Variants in RBFOX1 observed in about 807,000 individuals in gnomAD.
RBFOX1 encodes the protein RNA binding fox-1 homolog 1, also known as RNA binding protein fox-1 homolog 1.
In RBFOX1, 8 loss-of-function variants were observed where a neutral mutation model predicts 57.7. The ratio of observed to expected loss-of-function variants is 0.14; its 90% confidence interval spans 0.08 to 0.25. The LOEUF (loss-of-function observed/expected upper bound fraction) is 0.25, where lower values mean the gene tolerates loss of function less well. Among genes scored for constraint, RBFOX1 ranks in the 10% least tolerant of loss-of-function variants. RBFOX1 has a pLI of 1.00. For missense variants in RBFOX1, 611 were observed against 548.5 expected, an observed-to-expected ratio of 1.11 and a Z score of -1.14; for synonymous variants, 326 against 222.4, an observed-to-expected ratio of 1.47 and a Z score of -4.15.
At chr16:5,664,562 T>G (rs1292039285) in intron 3 of RBFOX1, among the ~76,000 whole-genome samples, 3 of 151,786 alleles carry the variant, frequency 2.0e-5, no homozygotes, top group Admixed American at 2.0e-4. Flanking sequence ...AAAAAGTGGA[T>G]TCCTGTTCCT....
intron 2 of RBFOX1, among the ~76,000 whole-genome samples, chr16:6,597,448 C>T (rs201799296): frequency 3.8e-3 from 571 of 152,048 alleles, no homozygotes; most frequent in Middle Eastern, 0.024. Flanking sequence ...CCGAGGTGGG[C>T]GGATCACAAG....
intron 3 of RBFOX1, among the ~76,000 whole-genome samples, chr16:6,767,961 A>ATAAT (rs1567166012): frequency 3.2e-5 from 4 of 123,554 alleles, no homozygotes; most frequent in African/African-American, 9.6e-5. Flanking sequence ...AAGAAGAAGA[A>ATAAT]GAAGAAGAAG....
chr16:7,447,073 A>T (rs986072513), intron 4 of RBFOX1, among the ~76,000 whole-genome samples: 1 of 151,732 alleles, frequency 6.6e-6, no homozygotes, highest in Non-Finnish European at 1.5e-5. Context: ...TAGCCTCCCA[A>T]AGTGCTGGGA....
At chr16:5,653,545 T>A (rs955674706) in intron 3 of RBFOX1, among the ~76,000 whole-genome samples, 3 of 151,738 alleles carry the variant, frequency 2.0e-5, no homozygotes, top group African/African-American at 7.3e-5. Context: ...GTGCAGAAGG[T>A]GGGGTGCTGA....
intron 2 of RBFOX1, among the ~76,000 whole-genome samples, chr16:6,584,221 T>A (rs1169598216): frequency 6.6e-6 from 1 of 151,742 alleles, no homozygotes; most frequent in African/African-American, 2.4e-5. Flanking sequence ...GTAGATGAAG[T>A]TTTAGGGCCC....
intron 3 of RBFOX1, among the ~76,000 whole-genome samples, chr16:6,733,430 G>C (rs1201766841): frequency 6.6e-6 from 1 of 152,188 alleles, no homozygotes; most frequent in Non-Finnish European, 1.5e-5. Flanking sequence ...CAGTCCTACA[G>C]CCTTCCTGAA....
At chr16:7,435,922 T>G (rs184316842) in intron 4 of RBFOX1, among the ~76,000 whole-genome samples, 7 of 152,348 alleles carry the variant, frequency 4.6e-5, no homozygotes, top group African/African-American at 1.4e-4. Flanking sequence ...CAGGCAGCAC[T>G]TGTTGAAGTA....
At chr16:7,314,139 C>G (rs558794529) in intron 4 of RBFOX1, among the ~76,000 whole-genome samples, 4 of 152,244 alleles carry the variant, frequency 2.6e-5, no homozygotes, top group African/African-American at 9.6e-5. Context: ...AAGAACGAGG[C>G]TGTGAGAATC....
chr16:6,721,459 A>G (rs2065980996), intron 3 of RBFOX1, among the ~76,000 whole-genome samples: 1 of 152,146 alleles, frequency 6.6e-6, no homozygotes, highest in East Asian at 1.9e-4. Context: ...AACAACAACA[A>G]AACCGTGTTA....
intron 3 of RBFOX1, among the ~76,000 whole-genome samples, chr16:5,725,521 T>C (rs974182650): frequency 6.6e-6 from 1 of 151,834 alleles, no homozygotes; most frequent in African/African-American, 2.4e-5. Flanking sequence ...TACCTTAGCC[T>C]CCAAGTGTTG....
At chr16:5,854,501 A>G (rs1451067170) in intron 3 of RBFOX1, among the ~76,000 whole-genome samples, 1 of 152,026 alleles carries the variant, frequency 6.6e-6, no homozygotes, top group Non-Finnish European at 1.5e-5. Context: ...GTTGTTGCAA[A>G]TGGTAGGATT....
At chr16:6,405,364 A>C (rs78494377) in intron 2 of RBFOX1, among the ~76,000 whole-genome samples, 1,625 of 152,272 alleles carry the variant, frequency 0.011, 34 homozygotes, top group African/African-American at 0.037. Context: ...AGCTTCATAA[A>C]ACAAAGCTTT....
At chr16:7,096,807 C>G (rs1445921665) in intron 4 of RBFOX1, among the ~76,000 whole-genome samples, 1 of 151,740 alleles carries the variant, frequency 6.6e-6, no homozygotes, top group South Asian at 2.1e-4. Context: ...TGGCTCTCCC[C>G]TGTAATCCCA....
intron 3 of RBFOX1, among the ~76,000 whole-genome samples, chr16:6,795,780 A>G (rs1284202687): frequency 3.6e-5 from 4 of 111,704 alleles, no homozygotes; most frequent in African/African-American, 1.0e-4. Flanking sequence ...TAAAAAATGA[A>G]AAAAAAAAAA....
chr16:7,359,455 C>G lies in RBFOX1; in HGVS notation c.28-158692C>G, dbSNP rs1364707681. Among the ~76,000 whole-genome samples the G allele has an allele frequency of 2.0e-5, 3 of 152,152 alleles. 1 individual carries two copies. Among genetic ancestry groups the G allele is most frequent in the South Asian group, 4.1e-4 (2 of 4,832 alleles). ...AAAATAATTTACCTTCATTAAATAACTAAATGCTTTTTACTACTCCCTGTG... is the reference window on the plus strand; with the variant it reads ...AAAATAATTTACCTTCATTAAATAAGTAAATGCTTTTTACTACTCCCTGTG... On this transcript the variant is annotated intron_variant, in intron 4 of 15. Transcript: ENST00000550418.
At chr16:5,564,118 A>C (rs2045980778) in intron 2 of RBFOX1, among the ~76,000 whole-genome samples, 1 of 151,960 alleles carries the variant, frequency 6.6e-6, no homozygotes, top group Non-Finnish European at 1.5e-5. Flanking sequence ...GGTTCAAGCG[A>C]TTCTCCTGCC....
At chr16:5,411,159 A>T (rs1457110673) in intron 1 of RBFOX1, among the ~76,000 whole-genome samples, 1 of 152,214 alleles carries the variant, frequency 6.6e-6, no homozygotes, top group Non-Finnish European at 1.5e-5. Context: ...GGTGGGAAGA[A>T]AAAAGGACCT....
intron 3 of RBFOX1, among the ~76,000 whole-genome samples, chr16:5,724,622 A>C (rs983611336): frequency 1.3e-5 from 2 of 152,162 alleles, no homozygotes; most frequent in African/African-American, 4.8e-5. Context: ...TTCTGGAGTA[A>C]GAATCCTATC....
At chr16:6,378,796 C>G (rs2091483609) in intron 2 of RBFOX1, among the ~76,000 whole-genome samples, 1 of 152,072 alleles carries the variant, frequency 6.6e-6, no homozygotes, top group Admixed American at 6.5e-5. Flanking sequence ...ATCTGTAATT[C>G]TCATCTTTAT....
Sources: allele counts gnomAD v4.1 joint callset (sites outside exome capture counted in the v4.1 genomes callset), GRCh38; gene constraint gnomAD v4.1.1; transcripts MANE v1.5; gene names NCBI Gene and HGNC (gene_info 2026-07-23, HGNC 2026-07-21).